The following SRGAP2 variants were observed in gnomAD, a reference collection of about 807,000 sequenced individuals.
SRGAP2 encodes SLIT-ROBO Rho GTPase-activating protein 2.
Under a neutral mutation model 57.2 loss-of-function variants are expected in SRGAP2, and 15 were observed. The ratio of observed to expected loss-of-function variants is 0.26; its 90% CI spans 0.18 to 0.40. The LOEUF is 0.40. Among genes scored for constraint, SRGAP2 ranks in the 10% least tolerant of loss-of-function variants. The pLI, the probability that SRGAP2 is intolerant of heterozygous loss-of-function variation, is 1.00. For synonymous variants in SRGAP2, 249 were observed against 248.0 expected, an observed-to-expected ratio of 1.00 and a Z score of -0.04; for missense variants, 520 against 669.6, an observed-to-expected ratio of 0.78 and a Z score of 2.47.
intron 7 of SRGAP2, among the ~76,000 whole-genome samples, chr1:206,395,642 C>T (rs1657509789): frequency 6.6e-6 from 1 of 151,440 alleles, no homozygotes; most frequent in South Asian, 2.1e-4. Context: ...ATTGGTTAGC[C>T]CTCTTCTCTT....
rs1488332962 is a variant in SRGAP2 at position 206,319,833 on chromosome 1, GTC to G, written c.260+16365_260+16366del. Among the ~76,000 whole-genome samples, 16 of 144,658 alleles carry G rather than the reference GTC, an allele frequency of 1.1e-4. 1 individual carries two copies. The highest frequency in any genetic ancestry group is 5.3e-4 in the Admixed American group (8 of 14,960). 94.9% of individuals were successfully genotyped at this position (144,658 alleles called of 152,430 possible). A position where few individuals can be genotyped will look rare whatever the true frequency, so the allele number is the denominator to read the frequency against. On this transcript the variant is annotated intron_variant, in intron 3 of 22. Coordinates refer to ENST00000573034, the MANE Select transcript of SRGAP2 (RefSeq NM_015326.5). ...GTTGTTTTTTGTTTTTTGCGATGGAGTCTCTCACTCTGTTGCCCAGGCTGGGG... is the reference window on the plus strand; with the variant it reads ...GTTGTTTTTTGTTTTTTGCGATGGAGTCTCACTCTGTTGCCCAGGCTGGGG...
In SRGAP2 at chr1:206,439,833, C is replaced by T. The variant is rs1662109326; in HGVS notation, c.1769-143C>T. On this transcript the variant is annotated intron_variant, in intron 16 of 22. Transcript: ENST00000573034. Reference sequence around the variant, plus strand: ...CTACTCCAAGGAGCAACAGGGATGACACTCCTGTCACTGCACCAGTGCTGT... The same window carrying T: ...CTACTCCAAGGAGCAACAGGGATGATACTCCTGTCACTGCACCAGTGCTGT... The T allele has an allele frequency of 9.6e-6, 6 of 624,748 alleles. No individual in the cohort carries two copies. The South Asian group carries it at 1.1e-4, about 12-fold the overall frequency. 38.7% of individuals were successfully genotyped at this position (624,748 alleles called of 1,614,324 possible).
chr1:206,453,741 A>G (rs1663556583), intron 20 of SRGAP2: 1 of 258,550 alleles, frequency 3.9e-6, no homozygotes, highest in Non-Finnish European at 7.2e-6. Context: ...CAGGCTGGGA[A>G]AACATTTTTG....
Position 206,454,722 on chromosome 1 carries a change from C to T in SRGAP2, c.2361-156C>T. ...CTTCAAAGGCCCTTAGGTTTCCTTG[C>T]CTCTGCTCACAGAACTAGTCCAGCC... On this transcript the variant is annotated intron_variant, in intron 20 of 22. Coordinates refer to ENST00000573034, the MANE Select transcript of SRGAP2 (RefSeq NM_015326.5). This position sits in a 1 kb window ranked among gnomAD's most constrained non-coding sequence, Gnocchi z 4.3. The T allele has an allele frequency of 1.7e-6, 1 of 594,844 alleles. No individual in the cohort carries two copies. The highest frequency in any genetic ancestry group is 3.0e-6 in the Non-Finnish European group (1 of 334,776). The allele number at this position is 594,844 out of a possible 1,614,324, so 36.8% of individuals were successfully genotyped here. A position where few individuals can be genotyped will look rare whatever the true frequency, so the allele number is the denominator to read the frequency against.
intron 2 of SRGAP2, among the ~76,000 whole-genome samples, chr1:206,298,868 A>C (rs2102740698): frequency 6.6e-6 from 1 of 151,538 alleles, no homozygotes; most frequent in South Asian, 2.1e-4. Flanking sequence ...TTATTACCAC[A>C]GCTTTGTTAT....
chr1:206,375,700 T>A (rs1655135188), intron 4 of SRGAP2, among the ~76,000 whole-genome samples: 1 of 151,940 alleles, frequency 6.6e-6, no homozygotes, highest in African/African-American at 2.4e-5. Context: ...CACCCTGAAC[T>A]CCCCTGAACT....
rs782553255 is a variant in SRGAP2 at position 206,453,227 on chromosome 1, A to T, written c.2207A>T (p.Lys736Met). The T allele has an allele frequency of 2.3e-5, 14 of 605,186 alleles. No homozygotes were observed. The highest frequency in any genetic ancestry group is 1.3e-4 in the Admixed American group (5 of 38,978). 37.5% of individuals were successfully genotyped at this position (605,186 alleles called of 1,614,324 possible). A position where few individuals can be genotyped will look rare whatever the true frequency, so the allele number is the denominator to read the frequency against. Residue 736 changes from lysine (K) to methionine (M), a missense_variant, in exon 20 of 23, where the codon AAG (lysine) becomes ATG (methionine). Lys to Met is a moderately conservative substitution (Grantham distance 95, BLOSUM62 -1). Coordinates refer to ENST00000573034, the MANE Select transcript of SRGAP2 (RefSeq NM_015326.5). ...TGTGAGCCCATCGAGGCCATTGCCA[A>T]GTTTGACTACGTGGGCCGGACAGCC... is the stretch of plus-strand genomic sequence containing the variant. The part of the protein sequence containing the change: ...DECEPIEAIA[K>M]FDYVGRTARE...
chr1:206,239,877 G>C (rs566963309), intron 2 of SRGAP2, among the ~76,000 whole-genome samples: 2 of 150,648 alleles, frequency 1.3e-5, no homozygotes, highest in African/African-American at 4.9e-5. Flanking sequence ...GAAGATTATA[G>C]ATTTTGATAG....
At chr1:206,436,119 A>G (rs1230212546) in intron 14 of SRGAP2, among the ~76,000 whole-genome samples, 1 of 151,890 alleles carries the variant, frequency 6.6e-6, no homozygotes, top group Non-Finnish European at 1.5e-5. Flanking sequence ...ATCAGCTATC[A>G]TTAGAATATT....
intron 3 of SRGAP2, among the ~76,000 whole-genome samples, chr1:206,310,333 T>G (rs1162773587): frequency 6.6e-6 from 1 of 151,352 alleles, no homozygotes; most frequent in Non-Finnish European, 1.5e-5. Flanking sequence ...CCTAAAAGTG[T>G]ATACAGAAGT....
chr1:206,374,183 C>A (rs1395098259), intron 4 of SRGAP2, among the ~76,000 whole-genome samples: 1 of 151,508 alleles, frequency 6.6e-6, no homozygotes, highest in African/African-American at 2.4e-5. Context: ...CGCCACTACG[C>A]CCGGCTAACT....
At chr1:206,429,560 G>T (rs1661108393) in intron 13 of SRGAP2, among the ~76,000 whole-genome samples, 1 of 152,248 alleles carries the variant, frequency 6.6e-6, no homozygotes, top group Non-Finnish European at 1.5e-5. Flanking sequence ...CGAGGCAAAG[G>T]AGGACTTTGC....
chr1:206,419,113 C>T (rs1350669695), intron 11 of SRGAP2, among the ~76,000 whole-genome samples: 1 of 152,092 alleles, frequency 6.6e-6, no homozygotes, highest in African/African-American at 2.4e-5. Context: ...CAGAATTGGC[C>T]CTAAGGTTTA....
At chr1:206,363,430 T>A (rs1261269365) in intron 4 of SRGAP2, among the ~76,000 whole-genome samples, 5 of 152,148 alleles carry the variant, frequency 3.3e-5, no homozygotes, top group Admixed American at 2.0e-4. Flanking sequence ...GCGAGATTTT[T>A]AAAAAATCTC....
chr1:206,436,394 A>G (rs1326844272), intron 14 of SRGAP2, among the ~76,000 whole-genome samples: 5 of 150,250 alleles, frequency 3.3e-5, no homozygotes, highest in African/African-American at 1.2e-4. Flanking sequence ...TCTGTCACCC[A>G]GGCTGGAGGG....
Position 206,454,403 on chromosome 1 carries a change from G to A in SRGAP2, c.2361-475G>A, listed in dbSNP as rs1344110989. 21 of 577,546 alleles carry A rather than the reference G, an allele frequency of 3.6e-5. No homozygotes were observed. The highest frequency in any genetic ancestry group is 3.0e-4 in the South Asian group (14 of 45,916). 35.8% of individuals were successfully genotyped at this position (577,546 alleles called of 1,614,324 possible). Reference sequence around the variant, plus strand: ...TGGGACCGGCTTGGATGCTCTGAGCGGGGCTAGAGGCGCTACGACAGTGTG... The same window carrying A: ...TGGGACCGGCTTGGATGCTCTGAGCAGGGCTAGAGGCGCTACGACAGTGTG... On this transcript the variant is annotated intron_variant, in intron 20 of 22. Coordinates refer to ENST00000573034, the MANE Select transcript of SRGAP2 (RefSeq NM_015326.5). The surrounding 1 kb of genome is among the most constrained non-coding windows in gnomAD (Gnocchi z 4.3).
chr1:206,276,473 G>T (rs1181190984), intron 2 of SRGAP2, among the ~76,000 whole-genome samples: 103 of 135,436 alleles, frequency 7.6e-4, no homozygotes, highest in African/African-American at 2.5e-3. Flanking sequence ...GGTGGGGGGT[G>T]GGGTAGGGGG....
intron 3 of SRGAP2, among the ~76,000 whole-genome samples, chr1:206,306,737 T>C (rs1571806649): frequency 6.6e-6 from 1 of 152,196 alleles, no homozygotes; most frequent in Non-Finnish European, 1.5e-5. Context: ...ATACAGAGTT[T>C]TGACACACAG....
rs570851954 is a variant in SRGAP2, at chr1:206,454,386, G to A, written c.2361-492G>A. 313 of 591,018 alleles carry A rather than the reference G, an allele frequency of 5.3e-4. 5 individuals carry two copies. In the South Asian group the frequency reaches 5.7e-3, roughly 11 times the overall value. 36.6% of individuals were successfully genotyped at this position (591,018 alleles called of 1,614,324 possible). On this transcript the variant is annotated intron_variant, in intron 20 of 22. Transcript: ENST00000573034. The surrounding 1 kb of genome is among the most constrained non-coding windows in gnomAD (Gnocchi z 4.3). Reference sequence around the variant, plus strand: ...AGAGCAGTGGAGAGACCTGGGACCGGCTTGGATGCTCTGAGCGGGGCTAGA... The same window carrying A: ...AGAGCAGTGGAGAGACCTGGGACCGACTTGGATGCTCTGAGCGGGGCTAGA...
Sources: allele counts gnomAD v4.1 joint callset (sites outside exome capture counted in the v4.1 genomes callset), GRCh38; gene constraint gnomAD v4.1.1; non-coding constraint Gnocchi (gnomAD v3.1); transcripts MANE v1.5; gene names NCBI Gene and HGNC (gene_info 2026-07-23, HGNC 2026-07-21).